ATRNL1: variants seen among roughly 807,000 people sequenced by gnomAD.
ATRNL1 encodes the protein attractin-like protein 1.
A neutral mutation model predicts 182.7 loss-of-function variants in ATRNL1; 95 were observed. That is an observed-to-expected ratio of 0.52 (90% CI 0.44 to 0.62). The LOEUF (loss-of-function observed/expected upper bound fraction) is 0.62, where lower values mean the gene tolerates loss of function less well. Ranked by LOEUF, ATRNL1 falls within the 20% of genes least tolerant of loss-of-function variation. The probability of loss-of-function intolerance (pLI) is 0.00; values close to 1 mark genes in which losing one functional copy is unlikely to be tolerated. For synonymous variants in ATRNL1, 576 were observed against 568.3 expected (o/e 1.01, Z -0.19); for missense variants, 1,471 against 1,679.5 (o/e 0.88, Z 2.17).
chr10:115,400,055 A>C (rs1406602783), intron 20 of ATRNL1, among the ~76,000 whole-genome samples: 1 of 152,080 alleles, frequency 6.6e-6, no homozygotes, highest in Admixed American at 6.6e-5. Flanking sequence ...AATTTCTATC[A>C]TCTATAAGGA....
intron 8 of ATRNL1, among the ~76,000 whole-genome samples, chr10:115,176,547 T>G (rs1180793453): frequency 6.6e-6 from 1 of 152,086 alleles, no homozygotes; most frequent in Non-Finnish European, 1.5e-5. Flanking sequence ...CCAATAGTAT[T>G]TGCTGAGGGT....
intron 6 of ATRNL1, among the ~76,000 whole-genome samples, chr10:115,161,148 G>A (rs782756045): frequency 6.6e-6 from 1 of 151,836 alleles, no homozygotes; most frequent in African/African-American, 2.4e-5. Flanking sequence ...TATTTTATCT[G>A]CCAACCCTAA....
intron 10 of ATRNL1, among the ~76,000 whole-genome samples, chr10:115,262,810 T>G (rs1228858689): frequency 1.3e-5 from 2 of 151,932 alleles, no homozygotes; most frequent in African/African-American, 4.8e-5. Flanking sequence ...ACTGGAAAAA[T>G]GTAAAATCAA....
intron 10 of ATRNL1, among the ~76,000 whole-genome samples, chr10:115,260,411 C>A (rs1403518043): frequency 1.3e-5 from 2 of 152,164 alleles, no homozygotes; most frequent in Non-Finnish European, 2.9e-5. Context: ...TAAGAGAAAG[C>A]ATGTAGAGAT....
In ATRNL1 at chr10:115,754,598, A is replaced by G. The variant is rs143933537; in HGVS notation, c.3903+27243A>G. Among the ~76,000 whole-genome samples the G allele has an allele frequency of 3.8e-4, 58 of 152,284 alleles. 1 individual carries two copies. In the East Asian group the frequency reaches 0.011, roughly 28 times the overall value. On this transcript the variant is annotated intron_variant, in intron 27 of 28. Coordinates refer to ENST00000355044, the MANE Select transcript of ATRNL1 (RefSeq NM_207303.4). ...CTTTTAGTGTAGTTTGAAGTCAGGT[A>G]GCATGATGCCTCCAGCTTTGTTCTT...
intron 20 of ATRNL1, among the ~76,000 whole-genome samples, chr10:115,396,860 G>T (rs1844314274): frequency 6.6e-6 from 1 of 151,844 alleles, no homozygotes; most frequent in South Asian, 2.1e-4. Flanking sequence ...AGCTAAAATA[G>T]AGTTATAAGA....
chr10:115,229,388 C>T (rs1288985337), intron 9 of ATRNL1, among the ~76,000 whole-genome samples: 1 of 151,854 alleles, frequency 6.6e-6, no homozygotes, highest in Non-Finnish European at 1.5e-5. Flanking sequence ...TTATTTAAAA[C>T]CCATTTCAGT....
At chr10:115,610,039 C>G (rs929983488) in intron 26 of ATRNL1, among the ~76,000 whole-genome samples, 5 of 152,092 alleles carry the variant, frequency 3.3e-5, no homozygotes, top group African/African-American at 7.2e-5. Flanking sequence ...ATGCTATATT[C>G]TATGCTGAAT....
chr10:115,260,863 T>C (rs1278429112), intron 10 of ATRNL1, among the ~76,000 whole-genome samples: 1 of 151,924 alleles, frequency 6.6e-6, no homozygotes, highest in Non-Finnish European at 1.5e-5. Context: ...AAATGAGAAA[T>C]TTAATATGAC....
intron 24 of ATRNL1, among the ~76,000 whole-genome samples, chr10:115,518,152 C>A (rs1324468904): frequency 6.6e-6 from 1 of 151,832 alleles, no homozygotes; most frequent in African/African-American, 2.4e-5. Context: ...TTTCCTTGCA[C>A]TGGAAGCTGG....
chr10:115,391,377 A>G (rs539115646), intron 19 of ATRNL1, among the ~76,000 whole-genome samples: 1 of 152,266 alleles, frequency 6.6e-6, no homozygotes, highest in African/African-American at 2.4e-5. Context: ...TGCAGGGACT[A>G]GTCTGGTAGT....
chr10:115,151,530 G>T (rs1846228328), intron 5 of ATRNL1, among the ~76,000 whole-genome samples: 1 of 152,180 alleles, frequency 6.6e-6, no homozygotes, highest in African/African-American at 2.4e-5. Context: ...CTTTTGAGAA[G>T]TGTCTGTTCA....
chr10:115,117,683 A>G (rs1382654548), intron 1 of ATRNL1, among the ~76,000 whole-genome samples: 7 of 152,156 alleles, frequency 4.6e-5, no homozygotes, highest in Middle Eastern at 3.4e-3. Flanking sequence ...AGATATTTCA[A>G]TATATTGATT....
intron 8 of ATRNL1, among the ~76,000 whole-genome samples, chr10:115,175,744 C>G (rs555831377): frequency 6.6e-5 from 10 of 151,902 alleles, no homozygotes; most frequent in Non-Finnish European, 4.4e-5. Flanking sequence ...TTTACTTATT[C>G]CTAAGGCATT....
intron 13 of ATRNL1, among the ~76,000 whole-genome samples, chr10:115,271,992 G>A (rs951284002): frequency 1.3e-5 from 2 of 152,086 alleles, no homozygotes; most frequent in Admixed American, 6.6e-5. Context: ...GTTCACTTGA[G>A]GTCTGGTCGT....
chr10:115,237,307 G>T (rs576151208), intron 9 of ATRNL1, among the ~76,000 whole-genome samples: 1 of 152,304 alleles, frequency 6.6e-6, no homozygotes, highest in South Asian at 2.1e-4. Flanking sequence ...GTTTAGTTTT[G>T]TGAGAAACTG....
chr10:115,776,631 A>G (rs114029932), intron 27 of ATRNL1, among the ~76,000 whole-genome samples: 2 of 149,028 alleles, frequency 1.3e-5, no homozygotes, highest in African/African-American at 5.2e-5. Context: ...AGGCTCGTAC[A>G]TCTTAATGTT....
At chr10:115,318,110 T>G (rs1854395171) in intron 18 of ATRNL1, among the ~76,000 whole-genome samples, 1 of 152,190 alleles carries the variant, frequency 6.6e-6, no homozygotes, top group Non-Finnish European at 1.5e-5. Context: ...GAAAGGATTT[T>G]GAATTTTATC....
intron 1 of ATRNL1, among the ~76,000 whole-genome samples, chr10:115,104,041 TC>T (rs1450702053): frequency 6.6e-6 from 1 of 152,212 alleles, no homozygotes; most frequent in African/African-American, 2.4e-5. Flanking sequence ...TGATTTCCTT[TC>T]TTTTAGGTAA....
Sources: allele counts gnomAD v4.1 joint callset (sites outside exome capture counted in the v4.1 genomes callset), GRCh38; gene constraint gnomAD v4.1.1; transcripts MANE v1.5; gene names NCBI Gene and HGNC (gene_info 2026-07-23, HGNC 2026-07-21).